Variants in DNAJC24 observed in about 807,000 individuals in gnomAD.
The protein encoded by DNAJC24 is dnaJ homolog subfamily C member 24.
In DNAJC24, 17 loss-of-function variants were observed where a neutral mutation model predicts 18.0. That is an observed-to-expected ratio of 0.94 (90% CI 0.65 to 1.42). The LOEUF is 1.42. Ranked by LOEUF, DNAJC24 falls within the 40% of genes most tolerant of loss-of-function variation. The pLI, the probability that DNAJC24 is intolerant of heterozygous loss-of-function variation, is 0.00. For missense variants in DNAJC24, 158 were observed against 175.6 expected, an observed-to-expected ratio of 0.90 and a Z score of 0.57; for synonymous variants, 55 against 57.7, an observed-to-expected ratio of 0.95 and a Z score of 0.21.
intron 2 of DNAJC24, among the ~76,000 whole-genome samples, chr11:31,375,880 A>G (rs1226964704): frequency 4.4e-5 from 6 of 135,354 alleles, no homozygotes; most frequent in African/African-American, 1.5e-4. Context: ...GTAGATAGCT[A>G]TGTATACTAT....
chr11:31,381,565 T>G (rs571942161), intron 2 of DNAJC24, among the ~76,000 whole-genome samples: 292 of 151,274 alleles, frequency 1.9e-3, no homozygotes, highest in African/African-American at 6.7e-3. Context: ...TTTGGTTATC[T>G]CAAAAAAAAA....
At position 31,432,284 on chromosome 11, in the gene DNAJC24, A is replaced by G; in HGVS notation, c.*1883A>G. On this transcript the variant is annotated 3_prime_UTR_variant, in exon 5 of 5. Coordinates refer to ENST00000465995, the MANE Select transcript of DNAJC24 (RefSeq NM_181706.5). ...CCCCCTCCCACAATATTTTTGTATC[A>G]TAAAATTTAGATGACTTTTTTGGGT... The G allele has an allele frequency of 2.1e-6, 1 of 478,472 alleles. No individual in the cohort carries two copies. Among genetic ancestry groups the G allele is most frequent in the Non-Finnish European group, 3.8e-6 (1 of 265,854 alleles). 29.6% of individuals were successfully genotyped at this position (478,472 alleles called of 1,614,324 possible). A position where few individuals can be genotyped will look rare whatever the true frequency, so the allele number is the denominator to read the frequency against.
At chr11:31,398,737 C>T (rs1006303141) in intron 2 of DNAJC24, among the ~76,000 whole-genome samples, 1 of 152,080 alleles carries the variant, frequency 6.6e-6, no homozygotes, top group African/African-American at 2.4e-5. Flanking sequence ...AGCATGAAAG[C>T]GTTGACAGAA....
chr11:31,396,349 C>A, intron 2 of DNAJC24: 1 of 449,582 alleles, frequency 2.2e-6, no homozygotes, highest in Non-Finnish European at 4.5e-6. Context: ...TCTTCACTTA[C>A]AAGGAAATCA....
At chr11:31,402,020 C>T (rs889023244) in intron 2 of DNAJC24, among the ~76,000 whole-genome samples, 2 of 152,122 alleles carry the variant, frequency 1.3e-5, no homozygotes, top group East Asian at 1.9e-4. Flanking sequence ...ACTTCAAGGT[C>T]GGGATATTTT....
chr11:31,393,635 C>T (rs1952519210), intron 2 of DNAJC24, among the ~76,000 whole-genome samples: 1 of 152,100 alleles, frequency 6.6e-6, no homozygotes, highest in African/African-American at 2.4e-5. Flanking sequence ...TGCATGGTGT[C>T]ATCTCGGAAG....
intron 3 of DNAJC24, among the ~76,000 whole-genome samples, chr11:31,423,412 C>T (rs1176262162): frequency 6.6e-6 from 1 of 152,132 alleles, no homozygotes; most frequent in African/African-American, 2.4e-5. Flanking sequence ...AGGCGCACAC[C>T]ACCACACCTG....
intron 2 of DNAJC24, among the ~76,000 whole-genome samples, chr11:31,380,766 A>G (rs539900709): frequency 3.9e-5 from 6 of 152,324 alleles, no homozygotes; most frequent in Middle Eastern, 3.4e-3. Flanking sequence ...ATATCAAGAT[A>G]TAGAACATTT....
intron 3 of DNAJC24, chr11:31,415,809 C>T (rs1952747195): frequency 6.6e-6 from 1 of 152,232 alleles, no homozygotes; most frequent in Non-Finnish European, 1.5e-5. Context: ...ATTGAATCCC[C>T]TCCCATGCCC....
chr11:31,377,715 T>C (rs142091667), intron 2 of DNAJC24, among the ~76,000 whole-genome samples: 215 of 152,240 alleles, frequency 1.4e-3, no homozygotes, highest in African/African-American at 4.8e-3. Flanking sequence ...AAGAGAAAGC[T>C]TCATCTCAAA....
chr11:31,405,725 G>A (rs916650990), intron 2 of DNAJC24, among the ~76,000 whole-genome samples: 1 of 152,044 alleles, frequency 6.6e-6, no homozygotes, highest in Non-Finnish European at 1.5e-5. Context: ...AAAGTGCTGG[G>A]ATTACTTACA....
chr11:31,413,937 A>G (rs1049551747), intron 2 of DNAJC24, among the ~76,000 whole-genome samples: 4 of 152,204 alleles, frequency 2.6e-5, no homozygotes, highest in Non-Finnish European at 4.4e-5. Flanking sequence ...CTGTTAGATA[A>G]AAAGAGAAGG....
At chr11:31,398,807 G>A (rs1446328237) in intron 2 of DNAJC24, among the ~76,000 whole-genome samples, 1 of 152,212 alleles carries the variant, frequency 6.6e-6, no homozygotes, top group African/African-American at 2.4e-5. Context: ...CTGAGTTGTT[G>A]TAGGAGAGCC....
chr11:31,404,957 G>T (rs1471473887), intron 2 of DNAJC24, among the ~76,000 whole-genome samples: 2 of 151,490 alleles, frequency 1.3e-5, no homozygotes, highest in African/African-American at 4.8e-5. Context: ...ATCTCTTGTT[G>T]TTATGACACT....
intron 2 of DNAJC24, among the ~76,000 whole-genome samples, chr11:31,383,589 GT>G (rs1452419681): frequency 6.6e-6 from 1 of 152,184 alleles, no homozygotes; most frequent in Non-Finnish European, 1.5e-5. Flanking sequence ...TATGAAAACT[GT>G]TCTTACTTTG....
intron 3 of DNAJC24, chr11:31,416,516 T>C (rs937478846): frequency 1.3e-5 from 2 of 152,148 alleles, no homozygotes; most frequent in Admixed American, 1.3e-4. Flanking sequence ...GTCTCTACTA[T>C]ATAGGATGCC....
chr11:31,383,055 G>A (rs1952392923), intron 2 of DNAJC24, among the ~76,000 whole-genome samples: 1 of 152,190 alleles, frequency 6.6e-6, no homozygotes. Flanking sequence ...GGTGAGGTCT[G>A]TAGGGGTCCC....
intron 2 of DNAJC24, among the ~76,000 whole-genome samples, chr11:31,379,754 T>G (rs111866386): frequency 2.0e-5 from 3 of 151,856 alleles, no homozygotes; most frequent in East Asian, 3.9e-4. Flanking sequence ...GTGAAAGAAA[T>G]AAATCTTTTT....
intron 3 of DNAJC24, among the ~76,000 whole-genome samples, chr11:31,425,486 A>G (rs1480269871): frequency 5.9e-5 from 9 of 152,144 alleles, no homozygotes; most frequent in African/African-American, 2.2e-4. Context: ...AACAAGTCCA[A>G]GATCAAGGTG....
Sources: allele counts gnomAD v4.1 joint callset (sites outside exome capture counted in the v4.1 genomes callset), GRCh38; gene constraint gnomAD v4.1.1; transcripts MANE v1.5; gene names NCBI Gene and HGNC (gene_info 2026-07-23, HGNC 2026-07-21).